DPP6: variants seen among roughly 807,000 people sequenced by gnomAD.
DPP6 encodes the protein A-type potassium channel modulatory protein DPP6.
DPP6 carries 69 observed loss-of-function variants against 122.6 expected under a neutral mutation model. That is an observed-to-expected ratio of 0.56 (90% CI 0.46 to 0.69). DPP6 has a LOEUF of 0.69. Ranked by LOEUF, DPP6 falls within the 30% of genes least tolerant of loss-of-function variation. The pLI is 0.00. For synonymous variants in DPP6, 418 were observed against 433.1 expected, an observed-to-expected ratio of 0.97 and a Z score of 0.43; for missense variants, 928 against 1,116.9, an observed-to-expected ratio of 0.83 and a Z score of 2.41.
At chr7:154,559,663 T>A (rs1452014861) in intron 4 of DPP6, among the ~76,000 whole-genome samples, 1 of 152,074 alleles carries the variant, frequency 6.6e-6, no homozygotes, top group Non-Finnish European at 1.5e-5. Context: ...ACAGAGGTGC[T>A]GCGAGCCAGA....
chr7:154,167,567 T>C (rs1563270261), intron 1 of DPP6, among the ~76,000 whole-genome samples: 1 of 152,260 alleles, frequency 6.6e-6, no homozygotes, highest in Admixed American at 6.5e-5. Flanking sequence ...CGTACGCATT[T>C]TACAGCTCTC....
chr7:154,571,629 A>T (rs1215743435), intron 5 of DPP6, among the ~76,000 whole-genome samples: 1 of 152,222 alleles, frequency 6.6e-6, no homozygotes, highest in East Asian at 1.9e-4. Context: ...GATTGTTCTT[A>T]GTCAGATCAT....
chr7:154,253,479 G>A (rs1038464502), intron 1 of DPP6, among the ~76,000 whole-genome samples: 1 of 152,226 alleles, frequency 6.6e-6, no homozygotes, highest in African/African-American at 2.4e-5. Flanking sequence ...TTATGGATTA[G>A]TATTTTTAAA....
intron 1 of DPP6, among the ~76,000 whole-genome samples, chr7:154,317,533 C>T (rs970596886): frequency 1.3e-5 from 2 of 152,170 alleles, no homozygotes; most frequent in African/African-American, 4.8e-5. Context: ...ATACTTCTTT[C>T]ACCTAGTTCT....
intron 1 of DPP6, among the ~76,000 whole-genome samples, chr7:154,376,542 G>T (rs1182156424): frequency 6.6e-6 from 1 of 152,154 alleles, no homozygotes; most frequent in African/African-American, 2.4e-5. Context: ...TGCTAAAATT[G>T]CATATAGCAA....
the DPP6 span, among the ~76,000 whole-genome samples, chr7:153,802,029 G>A: frequency 2.2e-4 from 33 of 152,320 alleles, no homozygotes; most frequent in African/African-American, 7.9e-4. Flanking sequence ...AAAAGTGTAA[G>A]TGACTTGCCT....
chr7:154,274,036 T>C (rs1419370136), intron 1 of DPP6, among the ~76,000 whole-genome samples: 1 of 152,228 alleles, frequency 6.6e-6, no homozygotes, highest in Non-Finnish European at 1.5e-5. Context: ...GGGTTGGCTG[T>C]ACCATATGGG....
intron 5 of DPP6, among the ~76,000 whole-genome samples, chr7:154,597,609 T>TTAAAA (rs71184010): frequency 8.8e-5 from 13 of 147,618 alleles, no homozygotes; most frequent in Non-Finnish European, 1.8e-4. Flanking sequence ...TGAGACTCCA[T>TTAAAA]AAAAAAAAAA....
intron 1 of DPP6, among the ~76,000 whole-genome samples, chr7:154,160,666 G>A (rs1286869481): frequency 1.3e-4 from 20 of 152,090 alleles, no homozygotes; most frequent in Admixed American, 1.2e-3. Context: ...AGCCAAACCC[G>A]GTATACCCAA....
chr7:153,791,424 C>CTTTTTTTTTTTTTTTTTTTTTTT, the DPP6 span, among the ~76,000 whole-genome samples: 4 of 91,646 alleles, frequency 4.4e-5, 1 homozygote, highest in Admixed American at 2.9e-4. Context: ...TCCTTCCTTT[C>CTTTTTTTTTTTTTTTTTTTTTTT]TTTTTTTTTT....
intron 1 of DPP6, among the ~76,000 whole-genome samples, chr7:154,185,762 A>G (rs905665760): frequency 2.0e-5 from 3 of 152,140 alleles, no homozygotes; most frequent in African/African-American, 7.2e-5. Flanking sequence ...TTTGTCAATT[A>G]CTTCTGGAAT....
rs146415897 is a variant in DPP6 at position 154,263,771 on chromosome 7, T to C, written c.244-182443T>C. Among the ~76,000 whole-genome samples, 1,168 of 152,200 alleles carry C rather than the reference T, an allele frequency of 7.7e-3. 23 individuals carry two copies. The highest frequency in any genetic ancestry group is 0.025 in the African/African-American group (1,048 of 41,512). ...GGCACGATCTCGGCTCCCTGCAAGC[T>C]CTGCAACCTACCAGGTTCAAGTGAT... On this transcript the variant is annotated intron_variant, in intron 1 of 25. Transcript: ENST00000377770.
At chr7:154,056,565 T>C (rs1800833731) in intron 1 of DPP6, among the ~76,000 whole-genome samples, 1 of 152,154 alleles carries the variant, frequency 6.6e-6, no homozygotes, top group Non-Finnish European at 1.5e-5. Context: ...TGTTCCTGTA[T>C]CCTTCATTTT....
intron 1 of DPP6, among the ~76,000 whole-genome samples, chr7:154,073,857 G>A (rs1364948448): frequency 6.6e-6 from 1 of 152,090 alleles, no homozygotes; most frequent in Non-Finnish European, 1.5e-5. Context: ...CTAGTGATGG[G>A]TGCCTGTAAT....
At chr7:154,536,279 G>A (rs1327245077) in intron 3 of DPP6, among the ~76,000 whole-genome samples, 1 of 152,118 alleles carries the variant, frequency 6.6e-6, no homozygotes, top group Admixed American at 6.6e-5. Flanking sequence ...CTTGTTACCT[G>A]GGTCTATTGA....
chr7:154,799,552 G>A (rs1023370752), intron 12 of DPP6, among the ~76,000 whole-genome samples: 2 of 152,102 alleles, frequency 1.3e-5, no homozygotes, highest in African/African-American at 2.4e-5. Flanking sequence ...TTCTTTTATC[G>A]GAATTTTGGT....
intron 5 of DPP6, among the ~76,000 whole-genome samples, chr7:154,599,974 C>T (rs528818679): frequency 6.6e-5 from 10 of 152,148 alleles, no homozygotes; most frequent in Non-Finnish European, 1.5e-4. Context: ...TTCAATCCCG[C>T]TCTTCTCCAT....
At chr7:154,591,867 C>A (rs762534999) in intron 5 of DPP6, among the ~76,000 whole-genome samples, 2 of 152,210 alleles carry the variant, frequency 1.3e-5, no homozygotes, top group African/African-American at 2.4e-5. Flanking sequence ...CTAGACTGTG[C>A]GTCTGTGTTC....
At chr7:153,952,888 A>G (rs1045299224) in intron 1 of DPP6, among the ~76,000 whole-genome samples, 2 of 152,362 alleles carry the variant, frequency 1.3e-5, no homozygotes, top group Admixed American at 6.5e-5. Flanking sequence ...GTCAGATACA[A>G]TTTTAAAAGG....
Sources: allele counts gnomAD v4.1 joint callset (sites outside exome capture counted in the v4.1 genomes callset), GRCh38; gene constraint gnomAD v4.1.1; transcripts MANE v1.5; gene names NCBI Gene and HGNC (gene_info 2026-07-23, HGNC 2026-07-21).